The following PRDM16 variants were observed in gnomAD, a reference collection of about 807,000 sequenced individuals.
PRDM16 encodes histone-lysine N-methyltransferase PRDM16.
A neutral mutation model predicts 110.6 loss-of-function variants in PRDM16; 23 were observed. The ratio of observed to expected loss-of-function variants is 0.21; its 90% CI spans 0.15 to 0.29. The LOEUF (loss-of-function observed/expected upper bound fraction) is 0.29, where lower values mean the gene tolerates loss of function less well. Among genes scored for constraint, PRDM16 ranks in the 10% least tolerant of loss-of-function variants. The probability of loss-of-function intolerance (pLI) is 1.00; values close to 1 mark genes in which losing one functional copy is unlikely to be tolerated. For missense variants in PRDM16, 1,615 were observed against 1,794.3 expected, an observed-to-expected ratio of 0.90 and a Z score of 1.81; for synonymous variants, 799 against 781.8, an observed-to-expected ratio of 1.02 and a Z score of -0.37.
chr1:3,246,570 G>T lies in PRDM16; in HGVS notation c.438+2433G>T, dbSNP rs1002662054. On this transcript the variant is annotated intron_variant, in intron 3 of 16. Coordinates refer to ENST00000270722, the MANE Select transcript of PRDM16 (RefSeq NM_022114.4). The surrounding 1 kb of genome is among the most constrained non-coding windows in gnomAD (Gnocchi z 5.2). Reference sequence around the variant, plus strand: ...CTGCCCTGCAGGCCCAGTCCGAGGGGCTGGGGGCTGCCTGGAGGAGGCACC... The same window carrying T: ...CTGCCCTGCAGGCCCAGTCCGAGGGTCTGGGGGCTGCCTGGAGGAGGCACC... Among the ~76,000 whole-genome samples the T allele has an allele frequency of 1.3e-5, 2 of 152,236 alleles. No individual in the cohort carries two copies. The highest frequency in any genetic ancestry group is 2.9e-5 in the Non-Finnish European group (2 of 68,042).
In PRDM16 at chr1:3,312,918, G is replaced by A. The variant is rs149557928; in HGVS notation, c.438+68781G>A. 7.4e-3 allele frequency among the ~76,000 whole-genome samples: 1,124 copies of A among 152,294 alleles called. 4 individuals are homozygous for A. The highest frequency in any genetic ancestry group is 0.014 in the Middle Eastern group (4 of 294). ...CAGAGGTCCACACACGGATACGTGT[G>A]CACACACGGGTGCCTTGGGCGTGCG... On this transcript the variant is annotated intron_variant, in intron 3 of 16. Coordinates refer to ENST00000270722, the MANE Select transcript of PRDM16 (RefSeq NM_022114.4).
At chr1:3,113,552 G>A (rs1186150346) in intron 1 of PRDM16, among the ~76,000 whole-genome samples, 2 of 152,318 alleles carry the variant, frequency 1.3e-5, no homozygotes, top group East Asian at 1.9e-4. Flanking sequence ...CTGAGCCAGC[G>A]GGAGGGGCCT....
chr1:3,316,490 G>T (rs542675114), intron 3 of PRDM16, among the ~76,000 whole-genome samples: 12 of 152,358 alleles, frequency 7.9e-5, no homozygotes, highest in Admixed American at 1.3e-4. Context: ...GAGGACCTGG[G>T]AAGAGAACCT....
chr1:3,407,329 C>T (rs564891940), intron 8 of PRDM16, among the ~76,000 whole-genome samples: 17 of 152,354 alleles, frequency 1.1e-4, no homozygotes, highest in Middle Eastern at 3.4e-3. Context: ...CATGCCCCCA[C>T]CAACTGAGGA....
At chr1:3,181,265 C>T (rs1368055901) in intron 1 of PRDM16, among the ~76,000 whole-genome samples, 2 of 149,514 alleles carry the variant, frequency 1.3e-5, no homozygotes, top group South Asian at 4.2e-4. Context: ...CGCAGTCTTA[C>T]ACACGGCCTT....
chr1:3,217,120 C>T (rs1639046651), intron 2 of PRDM16, among the ~76,000 whole-genome samples: 2 of 152,394 alleles, frequency 1.3e-5, no homozygotes, highest in South Asian at 4.1e-4. Flanking sequence ...CATTCCCAAA[C>T]AGGATAAAAA....
At chr1:3,298,347 G>T (rs1641134124) in intron 3 of PRDM16, among the ~76,000 whole-genome samples, 1 of 152,244 alleles carries the variant, frequency 6.6e-6, no homozygotes. Context: ...GAACGCACCA[G>T]CAGAGGCTCG....
In PRDM16 at chr1:3,245,174, C is replaced by G. The variant is rs1639764756; in HGVS notation, c.438+1037C>G. 6.6e-6 allele frequency among the ~76,000 whole-genome samples: 1 copy of G among 152,170 alleles called. No homozygotes were observed. Among genetic ancestry groups the G allele is most frequent in the African/African-American group, 2.4e-5 (1 of 41,440 alleles). ...ATTCTGTCAGAATTACAACTGGATTCCGTGACGCAGCATATGGGCTTGAGG... is the reference window on the plus strand; with the variant it reads ...ATTCTGTCAGAATTACAACTGGATTGCGTGACGCAGCATATGGGCTTGAGG... On this transcript the variant is annotated intron_variant, in intron 3 of 16. Transcript: ENST00000270722. This position sits in a 1 kb window ranked among gnomAD's most constrained non-coding sequence, Gnocchi z 4.7.
Position 3,434,826 on chromosome 1 carries a change from C to T in PRDM16, c.*1015C>T, listed in dbSNP as rs1365371557. The stretch of plus-strand genomic sequence containing the variant: ...TCGGCCACCCCACGCGGGAACCCAG[C>T]GCCGTCCTCTGAAGGCAGGGCCTTG... On this transcript the variant is annotated 3_prime_UTR_variant, in exon 17 of 17. Transcript: ENST00000270722. 2 of 231,922 alleles carry T rather than the reference C, an allele frequency of 8.6e-6. No homozygotes were observed. Among genetic ancestry groups the T allele is most frequent in the Admixed American group, 5.6e-5 (1 of 17,744 alleles). The allele number at this position is 231,922 out of a possible 1,614,324, so 14.4% of individuals were successfully genotyped here.
chr1:3,183,105 A>G (rs1359550093), intron 1 of PRDM16, among the ~76,000 whole-genome samples: 1 of 152,252 alleles, frequency 6.6e-6, no homozygotes, highest in Non-Finnish European at 1.5e-5. Context: ...AAAGTCATAC[A>G]TGATCCTGGC....
At chr1:3,351,881 G>A (rs1642502608) in intron 3 of PRDM16, among the ~76,000 whole-genome samples, 1 of 151,010 alleles carries the variant, frequency 6.6e-6, no homozygotes, top group Non-Finnish European at 1.5e-5. Context: ...CTGTGTCTGT[G>A]ACTTGGTATG....
At chr1:3,324,997 C>T (rs932243183) in intron 3 of PRDM16, among the ~76,000 whole-genome samples, 3 of 152,154 alleles carry the variant, frequency 2.0e-5, no homozygotes, top group African/African-American at 4.8e-5. Context: ...CTCTGGTCAC[C>T]TGGTAGCGCA....
intron 3 of PRDM16, among the ~76,000 whole-genome samples, chr1:3,355,238 G>T (rs554443948): frequency 6.6e-6 from 1 of 152,196 alleles, no homozygotes; most frequent in Non-Finnish European, 1.5e-5. Context: ...CCTGGCAGGA[G>T]GGGGAGGGAG....
At chr1:3,406,999 G>A (rs1316299700) in intron 8 of PRDM16, among the ~76,000 whole-genome samples, 1 of 152,240 alleles carries the variant, frequency 6.6e-6, no homozygotes, top group Admixed American at 6.5e-5. Flanking sequence ...TTGAGTGACC[G>A]TGGGCTCAAG....
rs368240584 is a variant in PRDM16 at position 3,343,504 on chromosome 1, C to CTTT, written c.439-41639_439-41637dup. ...CTTTGGGTTTAGTGCTTTGTTCAGA[C>CTTT]TTTTTTTTTTTAATTTTTGCTTTAC... On this transcript the variant is annotated intron_variant, in intron 3 of 16. Coordinates refer to ENST00000270722, the MANE Select transcript of PRDM16 (RefSeq NM_022114.4). Among the ~76,000 whole-genome samples, 155 of 146,912 alleles carry CTTT rather than the reference C, an allele frequency of 1.1e-3. 1 individual carries two copies. The highest frequency in any genetic ancestry group is 3.8e-3 in the African/African-American group (151 of 39,996).
intron 1 of PRDM16, among the ~76,000 whole-genome samples, chr1:3,164,835 C>T (rs777192598): frequency 1.2e-4 from 19 of 152,166 alleles, no homozygotes; most frequent in Non-Finnish European, 2.8e-4. Flanking sequence ...CCGCCCAGCC[C>T]GCCTCCGTTC....
intron 3 of PRDM16, among the ~76,000 whole-genome samples, chr1:3,276,185 T>C (rs1640578397): frequency 6.6e-6 from 1 of 152,274 alleles, no homozygotes; most frequent in Non-Finnish European, 1.5e-5. Context: ...CTTGCAATTA[T>C]GTCTGACTAA....
chr1:3,314,310 C>T (rs1164242131), intron 3 of PRDM16, among the ~76,000 whole-genome samples: 2 of 152,084 alleles, frequency 1.3e-5, no homozygotes, highest in Admixed American at 6.5e-5. Context: ...CCCTGGTGTG[C>T]CCTAGACTGT....
At chr1:3,402,071 C>T (rs1056243089) in intron 5 of PRDM16, among the ~76,000 whole-genome samples, 7 of 152,276 alleles carry the variant, frequency 4.6e-5, no homozygotes, top group African/African-American at 7.2e-5. Flanking sequence ...ACACAGCTGC[C>T]TGCTCATGCC....
Sources: allele counts gnomAD v4.1 joint callset (sites outside exome capture counted in the v4.1 genomes callset), GRCh38; gene constraint gnomAD v4.1.1; non-coding constraint Gnocchi (gnomAD v3.1); transcripts MANE v1.5; gene names NCBI Gene and HGNC (gene_info 2026-07-23, HGNC 2026-07-21).